The following SLC39A11 variants were observed in gnomAD, a reference collection of about 807,000 sequenced individuals.
SLC39A11 encodes zinc transporter ZIP11.
Under a neutral mutation model 36.1 loss-of-function variants are expected in SLC39A11, and 33 were observed. The ratio of observed to expected loss-of-function variants is 0.91; its 90% CI spans 0.69 to 1.22. The LOEUF is 1.22. Among genes scored for constraint, SLC39A11 ranks in the 50% most tolerant of loss-of-function variants. The pLI, the probability that SLC39A11 is intolerant of heterozygous loss-of-function variation, is 0.00. For synonymous variants in SLC39A11, 166 were observed against 170.3 expected (o/e 0.97, Z 0.20); for missense variants, 432 against 430.3 (o/e 1.00, Z -0.03).
intron 4 of SLC39A11, among the ~76,000 whole-genome samples, chr17:72,998,260 C>A (rs1396011403): frequency 6.6e-6 from 1 of 151,912 alleles, no homozygotes; most frequent in Non-Finnish European, 1.5e-5. Flanking sequence ...GGATGTAGAG[C>A]CGTGCTATGT....
intron 4 of SLC39A11, among the ~76,000 whole-genome samples, chr17:72,959,564 G>T (rs1000331923): frequency 7.3e-5 from 11 of 151,544 alleles, no homozygotes; most frequent in African/African-American, 2.2e-4. Context: ...TTGGGAACTT[G>T]GGGGGAAGGG....
At chr17:72,801,734 G>A (rs2077091774) in intron 6 of SLC39A11, among the ~76,000 whole-genome samples, 1 of 152,128 alleles carries the variant, frequency 6.6e-6, no homozygotes, top group Admixed American at 6.6e-5. Context: ...TGAGTAACAA[G>A]GGATCTTTTA....
At chr17:72,703,468 G>A (rs2072742588) in intron 7 of SLC39A11, among the ~76,000 whole-genome samples, 1 of 152,140 alleles carries the variant, frequency 6.6e-6, no homozygotes, top group African/African-American at 2.4e-5. Context: ...TTTCTTGCTG[G>A]GGTAAAGGTA....
intron 3 of SLC39A11, among the ~76,000 whole-genome samples, chr17:73,083,100 A>C (rs533136479): frequency 1.3e-5 from 2 of 151,420 alleles, no homozygotes; most frequent in Non-Finnish European, 2.9e-5. Context: ...CCAACATTCC[A>C]AGGGGCCCTC....
At chr17:72,971,729 C>T (rs1216247081) in intron 4 of SLC39A11, among the ~76,000 whole-genome samples, 9 of 130,500 alleles carry the variant, frequency 6.9e-5, no homozygotes, top group Middle Eastern at 3.7e-3. Flanking sequence ...CATATGCAAC[C>T]GGGATGCCAC....
intron 7 of SLC39A11, among the ~76,000 whole-genome samples, chr17:72,660,784 G>C (rs776747112): frequency 6.6e-6 from 1 of 152,124 alleles, no homozygotes; most frequent in Non-Finnish European, 1.5e-5. Context: ...TGTTGTGGGG[G>C]CCTGGTTCTG....
At chr17:72,741,640 C>A (rs567419912) in intron 6 of SLC39A11, among the ~76,000 whole-genome samples, 1 of 152,118 alleles carries the variant, frequency 6.6e-6, no homozygotes, top group Admixed American at 6.5e-5. Flanking sequence ...TAATGTGGAG[C>A]ACTAGTATTT....
At chr17:73,081,624 TATATAC>T (rs1417641809) in intron 3 of SLC39A11, among the ~76,000 whole-genome samples, 1 of 107,774 alleles carries the variant, frequency 9.3e-6, no homozygotes, top group African/African-American at 4.2e-5. Context: ...TATATATATA[TATATAC>T]ATACACACAC....
chr17:73,036,117 G>T (rs73350952), intron 3 of SLC39A11, among the ~76,000 whole-genome samples: 1,670 of 152,244 alleles, frequency 0.011, 39 homozygotes, highest in East Asian at 0.034. Flanking sequence ...AAATCACTGT[G>T]GACTTCAGAC....
At chr17:72,795,220 G>A (rs377225171) in intron 6 of SLC39A11, among the ~76,000 whole-genome samples, 31 of 152,144 alleles carry the variant, frequency 2.0e-4, no homozygotes, top group African/African-American at 7.0e-4. Context: ...GCCCTGGCTC[G>A]GGGTCTGTCA....
At chr17:72,977,490 C>T (rs1460201374) in intron 4 of SLC39A11, among the ~76,000 whole-genome samples, 1 of 152,180 alleles carries the variant, frequency 6.6e-6, no homozygotes, top group Non-Finnish European at 1.5e-5. Context: ...GGAAAAGGAG[C>T]GTGTCCCCAG....
At chr17:72,874,107 T>C (rs2080778855) in intron 5 of SLC39A11, among the ~76,000 whole-genome samples, 1 of 152,162 alleles carries the variant, frequency 6.6e-6, no homozygotes, top group Non-Finnish European at 1.5e-5. Context: ...AATATCAGCG[T>C]GAGAACCGAC....
chr17:72,959,542 A>G lies in SLC39A11; in HGVS notation c.307-11667T>C, dbSNP rs187108568. On this transcript the variant is annotated intron_variant, in intron 4 of 9. Coordinates refer to ENST00000255559, the MANE Select transcript of SLC39A11 (RefSeq NM_139177.4). ...ATAAGGACACAAAGGCATAAGGATG[A>G]TACAACGGACTTTGGGAACTTGGGG... 3.4e-4 allele frequency among the ~76,000 whole-genome samples: 51 copies of G among 151,742 alleles called. 1 individual carries two copies. The highest frequency in any genetic ancestry group is 2.9e-3 in the Admixed American group (44 of 15,230).
chr17:72,749,105 T>C (rs566377112), intron 6 of SLC39A11, among the ~76,000 whole-genome samples: 1 of 152,158 alleles, frequency 6.6e-6, no homozygotes, highest in African/African-American at 2.4e-5. Context: ...TCTGACTCAG[T>C]GGGGGAACCT....
chr17:73,080,872 G>A (rs2060485022), intron 3 of SLC39A11, among the ~76,000 whole-genome samples: 1 of 152,038 alleles, frequency 6.6e-6, no homozygotes, highest in African/African-American at 2.4e-5. Flanking sequence ...TTGAACCCTG[G>A]TGACAGAGGA....
intron 4 of SLC39A11, among the ~76,000 whole-genome samples, chr17:72,949,693 C>T (rs1168491122): frequency 6.6e-6 from 1 of 151,834 alleles, no homozygotes; most frequent in Non-Finnish European, 1.5e-5. Context: ...CCTCCTAATA[C>T]AATCACTGTG....
chr17:72,817,065 C>T (rs1434438159), intron 6 of SLC39A11, among the ~76,000 whole-genome samples: 1 of 151,280 alleles, frequency 6.6e-6, no homozygotes, highest in Non-Finnish European at 1.5e-5. Flanking sequence ...TAAATAAGAA[C>T]AGGTTGTGTC....
At chr17:72,922,989 A>AAAAC (rs2083780927) in intron 5 of SLC39A11, among the ~76,000 whole-genome samples, 2 of 144,574 alleles carry the variant, frequency 1.4e-5, no homozygotes, top group Non-Finnish European at 3.0e-5. Context: ...AAAAAAAAAA[A>AAAAC]ACACACAGAA....
At chr17:72,895,709 A>G (rs1303185395) in intron 5 of SLC39A11, among the ~76,000 whole-genome samples, 1 of 152,158 alleles carries the variant, frequency 6.6e-6, no homozygotes, top group Non-Finnish European at 1.5e-5. Flanking sequence ...TCCACCATCC[A>G]TAGTGAGTTC....
Sources: gnomAD v4.1 joint callset for allele counts (sites outside exome capture counted in the v4.1 genomes callset) on GRCh38, gnomAD v4.1.1 for gene constraint, MANE v1.5 for transcripts, NCBI Gene and HGNC (gene_info 2026-07-23, HGNC 2026-07-21) for gene names.